KLHL24: variants seen among roughly 807,000 people sequenced by gnomAD.
KLHL24 encodes the protein kelch like family member 24.
Under a neutral mutation model 53.4 loss-of-function variants are expected in KLHL24, and 29 were observed. The observed-to-expected ratio is 0.54, with a 90% confidence interval of 0.40 to 0.74. KLHL24 has a LOEUF of 0.74. Among genes scored for constraint, KLHL24 ranks in the 30% least tolerant of loss-of-function variants. The pLI is 0.00. For synonymous variants in KLHL24, 222 were observed against 253.7 expected (o/e 0.88, Z 1.19); for missense variants, 504 against 744.0 (o/e 0.68, Z 3.75).
In KLHL24 at chr3:183,669,348, G is replaced by A. The variant is rs977192661; in HGVS notation, c.1225-1686G>A. 5.9e-5 allele frequency among the ~76,000 whole-genome samples: 9 copies of A among 151,592 alleles called. No individual in the cohort carries two copies. The East Asian group carries it at 1.2e-3, about 20-fold the overall frequency. ...GCCTGGGCAACAAGAGCGAAACTCC[G>A]CCTCAAAAAAAAAATTATAAAATTG... is the stretch of plus-strand genomic sequence containing the variant. On this transcript the variant is annotated intron_variant, in intron 5 of 7. Transcript: ENST00000242810.
chr3:183,656,058 T>TTTTTTTTTTTTG (rs1718836521), intron 3 of KLHL24, among the ~76,000 whole-genome samples: 1 of 141,436 alleles, frequency 7.1e-6, no homozygotes, highest in Non-Finnish European at 1.5e-5. Flanking sequence ...TTTTTTTTTT[T>TTTTTTTTTTTTG]TTTTCTGAGA....
At chr3:183,640,593 CTTTTTTCTTTTTTTTT>C (rs146456958) in intron 1 of KLHL24, among the ~76,000 whole-genome samples, 49,271 of 144,740 alleles carry the variant, frequency 0.34, 9,056 homozygotes, top group African/African-American at 0.5. Flanking sequence ...TTTCTTTTTT[CTTTTTTCTTTTTTTTT>C]TTTTTTTTGA....
intron 3 of KLHL24, among the ~76,000 whole-genome samples, chr3:183,657,441 T>C (rs1303363235): frequency 6.6e-6 from 1 of 152,204 alleles, no homozygotes. Context: ...AGTTACTATA[T>C]AGTGAATATA....
intron 7 of KLHL24, among the ~76,000 whole-genome samples, chr3:183,673,550 T>C (rs1388739434): frequency 6.6e-6 from 1 of 152,174 alleles, no homozygotes; most frequent in Non-Finnish European, 1.5e-5. Flanking sequence ...TGCTCACCTT[T>C]CTTTCATCCA....
chr3:183,645,823 C>T (rs955600498), intron 2 of KLHL24, among the ~76,000 whole-genome samples: 1 of 152,152 alleles, frequency 6.6e-6, no homozygotes, highest in African/African-American at 2.4e-5. Context: ...TTAAGAGAAA[C>T]TAATTTTCCT....
chr3:183,678,511 A>G (rs913823856), intron 7 of KLHL24, among the ~76,000 whole-genome samples: 2 of 124,126 alleles, frequency 1.6e-5, no homozygotes, highest in Admixed American at 7.4e-5. Flanking sequence ...ACTAACATAT[A>G]ATCTTTTTTT....
intron 1 of KLHL24, among the ~76,000 whole-genome samples, chr3:183,638,369 C>A (rs927227187): frequency 6.6e-6 from 1 of 152,146 alleles, no homozygotes; most frequent in Non-Finnish European, 1.5e-5. Context: ...CCTTTTCTCC[C>A]ATTTCATTAA....
At chr3:183,661,860 C>A (rs945616010) in intron 3 of KLHL24, among the ~76,000 whole-genome samples, 1 of 152,100 alleles carries the variant, frequency 6.6e-6, no homozygotes, top group Non-Finnish European at 1.5e-5. Flanking sequence ...ACTTCAGTGA[C>A]TAGCAGTGTT....
At position 183,681,292 on chromosome 3, in the gene KLHL24, T is replaced by G. The variant is rs2108912540; in HGVS notation, c.*2006T>G. 6.6e-6 allele frequency: 1 copy of G among 152,438 alleles called. No individual in the cohort carries two copies. Among genetic ancestry groups the G allele is most frequent in the East Asian group, 1.9e-4 (1 of 5,182 alleles). 9.4% of individuals were successfully genotyped at this position (152,438 alleles called of 1,614,324 possible). On this transcript the variant is annotated 3_prime_UTR_variant, in exon 8 of 8. Transcript: ENST00000242810. ...AGATAATGTGTGAAAAAGTATTTTG[T>G]AAATGCTGAGGATTCTACAAATGAT...
At chr3:183,639,841 C>G (rs1478655964) in intron 1 of KLHL24, among the ~76,000 whole-genome samples, 1 of 127,152 alleles carries the variant, frequency 7.9e-6, no homozygotes, top group African/African-American at 4.2e-5. Flanking sequence ...CCCATCTCCA[C>G]TAAAAACCAA....
chr3:183,645,903 GTTTATC>G lies in KLHL24; in HGVS notation c.-62+2366_-62+2371del, dbSNP rs1254352196. 2.6e-5 allele frequency among the ~76,000 whole-genome samples: 4 copies of G among 152,210 alleles called. No homozygotes were observed. In the East Asian group the frequency reaches 5.8e-4, roughly 22 times the overall value. ...CAGCCATTGGTAAGCATTGTCTTGTGTTTATCTTTACTTTTATATGTGTTCATTTAA... is the reference window on the plus strand; with the variant it reads ...CAGCCATTGGTAAGCATTGTCTTGTGTTTACTTTTATATGTGTTCATTTAA... On this transcript the variant is annotated intron_variant, in intron 2 of 7. Transcript: ENST00000242810.
chr3:183,683,368 T>C lies in KLHL24; in HGVS notation c.*4082T>C, dbSNP rs1025361062. The C allele has an allele frequency of 6.6e-6, 1 of 152,658 alleles. No homozygotes were observed. Among genetic ancestry groups the C allele is most frequent in the Non-Finnish European group, 1.5e-5 (1 of 68,044 alleles). 9.5% of individuals were successfully genotyped at this position (152,658 alleles called of 1,614,324 possible). A position where few individuals can be genotyped will look rare whatever the true frequency, so the allele number is the denominator to read the frequency against. ...TAACCTCAACAGAGTTTTGGCCTTATTAGAATTTGTTGTGCATCTTATTGA... is the reference window on the plus strand; with the variant it reads ...TAACCTCAACAGAGTTTTGGCCTTACTAGAATTTGTTGTGCATCTTATTGA... On this transcript the variant is annotated 3_prime_UTR_variant, in exon 8 of 8. Coordinates refer to ENST00000242810, the MANE Select transcript of KLHL24 (RefSeq NM_017644.3).
At chr3:183,666,640 C>G (rs575491997) in intron 5 of KLHL24, among the ~76,000 whole-genome samples, 74 of 152,232 alleles carry the variant, frequency 4.9e-4, no homozygotes, top group Admixed American at 3.3e-4. Flanking sequence ...AATCCAAGAT[C>G]TGAAATGTTC....
chr3:183,655,891 A>G (rs1718793513), intron 3 of KLHL24, among the ~76,000 whole-genome samples: 1 of 151,986 alleles, frequency 6.6e-6, no homozygotes, highest in Non-Finnish European at 1.5e-5. Context: ...AGATCGCGCC[A>G]CTGTACTCCA....
chr3:183,677,347 C>T (rs16857992), intron 7 of KLHL24, among the ~76,000 whole-genome samples: 12,721 of 152,104 alleles, frequency 0.084, 765 homozygotes, highest in East Asian at 0.26. Flanking sequence ...GCTTATTGTG[C>T]TTTAAATGAA....
chr3:183,652,793 A>G (rs1410055026), intron 3 of KLHL24, among the ~76,000 whole-genome samples: 1 of 152,236 alleles, frequency 6.6e-6, no homozygotes, highest in Non-Finnish European at 1.5e-5. Context: ...TTTCATGAAC[A>G]CACAGTATCC....
At chr3:183,674,038 A>G (rs1270649454) in intron 7 of KLHL24, among the ~76,000 whole-genome samples, 4 of 152,122 alleles carry the variant, frequency 2.6e-5, no homozygotes, top group African/African-American at 7.2e-5. Flanking sequence ...CTATATTTCC[A>G]ATTAACCTAG....
At chr3:183,678,834 T>C (rs970187447) in intron 7 of KLHL24, among the ~76,000 whole-genome samples, 3 of 152,306 alleles carry the variant, frequency 2.0e-5, no homozygotes, top group African/African-American at 7.2e-5. Flanking sequence ...TCCACGTCCC[T>C]ACAAAGGACA....
intron 1 of KLHL24, among the ~76,000 whole-genome samples, chr3:183,639,352 C>G (rs548552134): frequency 4.0e-5 from 6 of 150,910 alleles, no homozygotes; most frequent in Non-Finnish European, 7.4e-5. Flanking sequence ...AATTTGTGGC[C>G]GGGCGCGGTG....
Sources: allele counts gnomAD v4.1 joint callset (sites outside exome capture counted in the v4.1 genomes callset), GRCh38; gene constraint gnomAD v4.1.1; transcripts MANE v1.5; gene names NCBI Gene and HGNC (gene_info 2026-07-23, HGNC 2026-07-21).